Variants in TOX observed in about 807,000 individuals in gnomAD.
TOX encodes thymocyte selection-associated high mobility group box protein TOX.
In TOX, 11 loss-of-function variants were observed where a neutral mutation model predicts 53.7. That is an observed-to-expected ratio of 0.20 (90% CI 0.13 to 0.34). The LOEUF is 0.34. Ranked by LOEUF, TOX falls within the 10% of genes least tolerant of loss-of-function variation. TOX has a pLI of 1.00. For missense variants in TOX, 570 were observed against 664.6 expected, an observed-to-expected ratio of 0.86 and a Z score of 1.56; for synonymous variants, 225 against 245.3, an observed-to-expected ratio of 0.92 and a Z score of 0.77.
intron 1 of TOX, among the ~76,000 whole-genome samples, chr8:59,058,298 T>G (rs1212674616): frequency 6.6e-6 from 1 of 152,170 alleles, no homozygotes; most frequent in Non-Finnish European, 1.5e-5. Context: ...GAGACAGCAC[T>G]GCTTTGGGAG....
At chr8:58,948,246 G>A (rs1265889912) in intron 2 of TOX, among the ~76,000 whole-genome samples, 2 of 152,098 alleles carry the variant, frequency 1.3e-5, no homozygotes, top group Non-Finnish European at 2.9e-5. Flanking sequence ...TCAAATGAGG[G>A]TGGGGCAGGG....
intron 1 of TOX, among the ~76,000 whole-genome samples, chr8:59,107,956 C>T (rs1804942952): frequency 6.6e-6 from 1 of 152,116 alleles, no homozygotes; most frequent in South Asian, 2.1e-4. Flanking sequence ...CCTTTCCCCG[C>T]CCCCAAAACA....
intron 1 of TOX, among the ~76,000 whole-genome samples, chr8:59,054,610 T>TA (rs1157048016): frequency 2.0e-5 from 3 of 151,656 alleles, no homozygotes; most frequent in Non-Finnish European, 4.4e-5. Context: ...GAACAACAAT[T>TA]AAAAAAAATA....
intron 5 of TOX, among the ~76,000 whole-genome samples, chr8:58,833,016 C>T (rs1021768178): frequency 1.3e-4 from 20 of 152,152 alleles, no homozygotes; most frequent in African/African-American, 2.9e-4. Context: ...TCCTCTTCCA[C>T]GACAGGGCTA....
chr8:58,966,008 T>C lies in TOX; in HGVS notation c.103-6000A>G, dbSNP rs539406868. 3.5e-5 allele frequency among the ~76,000 whole-genome samples: 5 copies of C among 143,300 alleles called. No homozygotes were observed. In the East Asian group the frequency reaches 8.7e-4, roughly 25 times the overall value. 94.0% of individuals were successfully genotyped at this position (143,300 alleles called of 152,430 possible). ...CATTTTGAAAGTTAAGCATCAAATATAGGGTGATAATACGCATAGTTGTAA... is the reference window on the plus strand; with the variant it reads ...CATTTTGAAAGTTAAGCATCAAATACAGGGTGATAATACGCATAGTTGTAA... On this transcript the variant is annotated intron_variant, in intron 1 of 8. Coordinates refer to ENST00000361421, the MANE Select transcript of TOX (RefSeq NM_014729.3).
At chr8:59,053,435 A>G (rs1803830462) in intron 1 of TOX, among the ~76,000 whole-genome samples, 1 of 152,188 alleles carries the variant, frequency 6.6e-6, no homozygotes. Context: ...TTGTCTCGAA[A>G]ATATATTGGT....
Position 58,955,732 on chromosome 8 carries a change from C to T in TOX, c.168+4211G>A, listed in dbSNP as rs909578977. Among the ~76,000 whole-genome samples the T allele has an allele frequency of 1.5e-4, 19 of 130,404 alleles. No individual in the cohort carries two copies. In the Admixed American group the frequency reaches 1.5e-3, roughly 10 times the overall value. The allele number at this position is 130,404 out of a possible 152,430, so 85.6% of individuals were successfully genotyped here. On this transcript the variant is annotated intron_variant, in intron 2 of 8. Transcript: ENST00000361421. ...AAACAGGCAGCCGTGGAAAAGGACA[C>T]TTTTTTTTTTTTTTTTTTTTGAGAC... is the stretch of plus-strand genomic sequence containing the variant.
intron 3 of TOX, among the ~76,000 whole-genome samples, chr8:58,857,557 G>A (rs1810936197): frequency 6.6e-6 from 1 of 152,056 alleles, no homozygotes; most frequent in African/African-American, 2.4e-5. Context: ...CAAAACAAAA[G>A]TCCCATTAAA....
intron 1 of TOX, among the ~76,000 whole-genome samples, chr8:59,050,157 C>G (rs1015569759): frequency 4.6e-5 from 7 of 152,144 alleles, no homozygotes; most frequent in African/African-American, 1.7e-4. Context: ...GAATTTCACG[C>G]ATTGTGACAA....
intron 1 of TOX, among the ~76,000 whole-genome samples, chr8:59,015,530 G>C (rs141248106): frequency 7.6e-4 from 116 of 152,242 alleles, no homozygotes; most frequent in African/African-American, 2.8e-3. Context: ...CTGTGAGCAC[G>C]ACTGAATTAA....
In TOX at chr8:59,088,053, G is replaced by A. The variant is rs530817754; in HGVS notation, c.102+30833C>T. Among the ~76,000 whole-genome samples, 39 of 152,116 alleles carry A rather than the reference G, an allele frequency of 2.6e-4. 1 individual carries two copies. In the East Asian group the frequency reaches 7.5e-3, roughly 29 times the overall value. ...AAATATAAACAAAAATTTAATCAAA[G>A]GGATGGAAACCTTTATTATATTAAA... On this transcript the variant is annotated intron_variant, in intron 1 of 8. Transcript: ENST00000361421.
chr8:58,810,466 A>G (rs1810058165), intron 7 of TOX, among the ~76,000 whole-genome samples: 1 of 152,074 alleles, frequency 6.6e-6, no homozygotes. Context: ...TCAACCTCCC[A>G]AGTAGCTGGG....
At chr8:59,110,340 C>T (rs1311091767) in intron 1 of TOX, among the ~76,000 whole-genome samples, 1 of 152,046 alleles carries the variant, frequency 6.6e-6, no homozygotes, top group Non-Finnish European at 1.5e-5. Flanking sequence ...TTGTTACTGG[C>T]ATTTTAGGCT....
chr8:59,005,429 A>G (rs1813773829), intron 1 of TOX, among the ~76,000 whole-genome samples: 1 of 152,230 alleles, frequency 6.6e-6, no homozygotes, highest in Non-Finnish European at 1.5e-5. Context: ...AATACTAAAT[A>G]GAGCTAAAAG....
At chr8:58,901,346 T>C (rs763132517) in intron 3 of TOX, among the ~76,000 whole-genome samples, 8 of 152,208 alleles carry the variant, frequency 5.3e-5, no homozygotes, top group Non-Finnish European at 1.2e-4. Flanking sequence ...TTTCATTCTT[T>C]GGTGCTGTTA....
At chr8:58,988,148 C>T (rs937952324) in intron 1 of TOX, among the ~76,000 whole-genome samples, 3 of 152,120 alleles carry the variant, frequency 2.0e-5, no homozygotes, top group African/African-American at 7.2e-5. Flanking sequence ...GAACTAAGGT[C>T]ACAATTTCAC....
At chr8:58,942,750 TG>T in intron 2 of TOX, among the ~76,000 whole-genome samples, 1 of 152,342 alleles carries the variant, frequency 6.6e-6, no homozygotes, top group Middle Eastern at 3.4e-3. Context: ...TTTGCAGTTT[TG>T]GGGGATGTTA....
At chr8:58,826,948 T>C (rs757440251) in intron 5 of TOX, 46 bp from the exon 6 acceptor site, 1 of 1,554,840 alleles carries the variant, frequency 6.4e-7, no homozygotes, top group South Asian at 1.2e-5. Context: ...GCATTTGCTT[T>C]TGTTTTCAGA....
intron 1 of TOX, 24 bp from the exon 2 acceptor site, chr8:58,960,032 A>G (rs1477741493): frequency 6.2e-7 from 1 of 1,613,196 alleles, no homozygotes; most frequent in East Asian, 2.2e-5. Context: ...AATAGTAAAC[A>G]TTCAGCAATC....
Sources: allele counts gnomAD v4.1 joint callset (sites outside exome capture counted in the v4.1 genomes callset), GRCh38; gene constraint gnomAD v4.1.1; transcripts MANE v1.5; gene names NCBI Gene and HGNC (gene_info 2026-07-23, HGNC 2026-07-21).